The following PDE11A variants were observed in gnomAD, a reference collection of about 807,000 sequenced individuals.
PDE11A encodes the protein dual 3',5'-cyclic-AMP and -GMP phosphodiesterase 11A.
A neutral mutation model predicts 100.5 loss-of-function variants in PDE11A; 100 were observed. The ratio of observed to expected loss-of-function variants is 1.00; its 90% CI spans 0.85 to 1.18. The LOEUF (loss-of-function observed/expected upper bound fraction) is 1.18. PDE11A is among the 50% of genes most tolerant of loss of function. The pLI, the probability that PDE11A is intolerant of heterozygous loss-of-function variation, is 0.00. For missense variants in PDE11A, 1,141 were observed against 1,152.6 expected, an observed-to-expected ratio of 0.99 and a Z score of 0.15; for synonymous variants, 381 against 420.8, an observed-to-expected ratio of 0.91 and a Z score of 1.16.
At chr2:178,060,418 A>G (rs1400815600) in intron 1 of PDE11A, among the ~76,000 whole-genome samples, 1 of 152,218 alleles carries the variant, frequency 6.6e-6, no homozygotes, top group Non-Finnish European at 1.5e-5. Context: ...ATTGACCTCC[A>G]CCCTTTGACC....
chr2:178,044,397 GTTTATATATATATAAAC>G (rs980945889), intron 1 of PDE11A, among the ~76,000 whole-genome samples: 3 of 147,232 alleles, frequency 2.0e-5, no homozygotes, highest in African/African-American at 7.4e-5. Context: ...AACTTTATAT[GTTTATATATATATAAAC>G]TTTATATATA....
chr2:177,846,819 A>T (rs1482879366), intron 5 of PDE11A, among the ~76,000 whole-genome samples: 1 of 152,180 alleles, frequency 6.6e-6, no homozygotes, highest in East Asian at 1.9e-4. Context: ...TCTTCAACAC[A>T]TCTGAAAATT....
intron 5 of PDE11A, among the ~76,000 whole-genome samples, chr2:177,853,764 G>GTATATATATATCTATATATGTA (rs34035499): frequency 9.4e-5 from 11 of 117,500 alleles, no homozygotes; most frequent in Non-Finnish European, 1.2e-4. Flanking sequence ...ATCTATATAT[G>GTATATATATATCTATATATGTA]TATATATATC....
chr2:177,800,395 T>G (rs181611531), intron 9 of PDE11A, among the ~76,000 whole-genome samples: 70 of 152,156 alleles, frequency 4.6e-4, no homozygotes, highest in Admixed American at 3.4e-3. Flanking sequence ...GGTCTCAGAC[T>G]CCTGGCTTCA....
At chr2:177,887,016 C>G (rs916639201) in intron 4 of PDE11A, among the ~76,000 whole-genome samples, 1 of 152,116 alleles carries the variant, frequency 6.6e-6, no homozygotes, top group Non-Finnish European at 1.5e-5. Context: ...ACAGGTGACC[C>G]AGCTTCACCC....
chr2:177,754,436 C>T (rs777724754), intron 10 of PDE11A, among the ~76,000 whole-genome samples: 39 of 152,352 alleles, frequency 2.6e-4, no homozygotes, highest in Non-Finnish European at 3.4e-4. Context: ...GCAGTTCTTC[C>T]TGTTCAAGAA....
At chr2:177,935,902 A>C (rs2105767820) in intron 2 of PDE11A, among the ~76,000 whole-genome samples, 1 of 152,328 alleles carries the variant, frequency 6.6e-6, no homozygotes, top group African/African-American at 2.4e-5. Flanking sequence ...TTGGCCATTC[A>C]ACACAGCAAC....
rs182153058 is a variant in PDE11A, at chr2:177,672,527, T to C, written c.2487+2928A>G. The stretch of plus-strand genomic sequence containing the variant: ...ATGTGTCATCAGCTTGGGGGCCAGG[T>C]ATCAAGATAGTGAGGAGGCTATAAG... On this transcript the variant is annotated intron_variant, in intron 17 of 19. Coordinates refer to ENST00000286063, the MANE Select transcript of PDE11A (RefSeq NM_016953.4). 1.2e-4 allele frequency among the ~76,000 whole-genome samples: 18 copies of C among 152,274 alleles called. No individual in the cohort carries two copies. The East Asian group carries it at 3.3e-3, about 28-fold the overall frequency.
chr2:177,970,862 A>G (rs1210034233), intron 2 of PDE11A, among the ~76,000 whole-genome samples: 1 of 152,182 alleles, frequency 6.6e-6, no homozygotes, highest in Non-Finnish European at 1.5e-5. Context: ...GTCTTACAGC[A>G]TGGAGTCATA....
At chr2:178,048,346 C>G (rs910132602) in intron 1 of PDE11A, among the ~76,000 whole-genome samples, 1 of 151,896 alleles carries the variant, frequency 6.6e-6, no homozygotes, top group South Asian at 2.1e-4. Context: ...GGGCTGGGGG[C>G]GCGGCATGAA....
intron 10 of PDE11A, among the ~76,000 whole-genome samples, chr2:177,753,071 C>G (rs1459966807): frequency 6.6e-6 from 1 of 152,186 alleles, no homozygotes; most frequent in Non-Finnish European, 1.5e-5. Context: ...TGAGCTCTTA[C>G]AAATCAAACT....
At chr2:177,776,063 T>A (rs1424227040) in intron 9 of PDE11A, among the ~76,000 whole-genome samples, 2 of 152,186 alleles carry the variant, frequency 1.3e-5, no homozygotes, top group South Asian at 2.1e-4. Flanking sequence ...TACCCATATG[T>A]CTCACTGTTT....
At chr2:177,676,817 A>G (rs113320752) in intron 16 of PDE11A, among the ~76,000 whole-genome samples, 1 of 152,220 alleles carries the variant, frequency 6.6e-6, no homozygotes, top group African/African-American at 2.4e-5. Flanking sequence ...ACTACTAACT[A>G]AATGAATCGT....
intron 2 of PDE11A, among the ~76,000 whole-genome samples, chr2:177,944,834 C>CTCTCCG (rs1235600340): frequency 7.8e-6 from 1 of 128,296 alleles, no homozygotes; most frequent in Admixed American, 7.7e-5. Context: ...CTCCCTCTCC[C>CTCTCCG]TCTCCGTCTC....
intron 2 of PDE11A, among the ~76,000 whole-genome samples, chr2:177,961,886 C>T (rs1458397745): frequency 6.6e-6 from 1 of 151,532 alleles, no homozygotes; most frequent in Admixed American, 6.6e-5. Flanking sequence ...ATGATGAGAC[C>T]ACATCTCTAC....
At chr2:177,814,013 G>A (rs2082994659) in intron 9 of PDE11A, among the ~76,000 whole-genome samples, 1 of 152,042 alleles carries the variant, frequency 6.6e-6, no homozygotes, top group South Asian at 2.1e-4. Context: ...TAGCCACAGT[G>A]GAAAAGGGGA....
At chr2:178,073,407 G>A (rs1005319192), upstream of PDE11A, among the ~76,000 whole-genome samples, 14 of 152,294 alleles carry the variant, frequency 9.2e-5, no homozygotes, top group Non-Finnish European at 1.8e-4. Context: ...ATTACACAGA[G>A]AAAGGGTGTA....
At chr2:177,740,957 G>T (rs779360953) in intron 10 of PDE11A, among the ~76,000 whole-genome samples, 2 of 152,134 alleles carry the variant, frequency 1.3e-5, no homozygotes, top group African/African-American at 2.4e-5. Context: ...AGTTTGCTGC[G>T]TGCTAAAGCT....
At chr2:177,673,756 G>A (rs1439869697) in intron 17 of PDE11A, among the ~76,000 whole-genome samples, 3 of 152,180 alleles carry the variant, frequency 2.0e-5, no homozygotes, top group African/African-American at 7.2e-5. Flanking sequence ...TGGTAGTCAT[G>A]CATTCACTAT....
Sources: allele counts gnomAD v4.1 joint callset (sites outside exome capture counted in the v4.1 genomes callset), GRCh38; gene constraint gnomAD v4.1.1; transcripts MANE v1.5; gene names NCBI Gene and HGNC (gene_info 2026-07-23, HGNC 2026-07-21).